The following AGXT2 variants were observed in gnomAD, a reference collection of about 807,000 sequenced individuals.
The protein encoded by AGXT2 is alanine--glyoxylate aminotransferase 2.
In AGXT2, 61 loss-of-function variants were observed where a neutral mutation model predicts 62.5. The observed-to-expected ratio is 0.98, with a 90% confidence interval of 0.79 to 1.21. AGXT2 has a LOEUF of 1.21. Ranked by LOEUF, AGXT2 falls within the 50% of genes most tolerant of loss-of-function variation. The probability of loss-of-function intolerance (pLI) is 0.00; values close to 1 mark genes in which losing one functional copy is unlikely to be tolerated. For missense variants in AGXT2, 666 were observed against 641.5 expected (o/e 1.04, Z -0.41); for synonymous variants, 243 against 218.7 (o/e 1.11, Z -0.98).
chr5:35,033,774 GAACA>G (rs1767666952), intron 5 of AGXT2, among the ~76,000 whole-genome samples: 1 of 152,134 alleles, frequency 6.6e-6, no homozygotes, highest in Non-Finnish European at 1.5e-5. Context: ...GAATTTTGGA[GAACA>G]TTTGTCCAAG....
rs538741055 is a variant in AGXT2, at chr5:35,024,205, A to G, written c.963+1558T>C. Among the ~76,000 whole-genome samples the G allele has an allele frequency of 1.6e-4, 24 of 152,104 alleles. No individual in the cohort carries two copies. The East Asian group carries it at 3.3e-3, about 21-fold the overall frequency. Reference sequence around the variant, plus strand: ...ACTGCGCCCAACCTAGCTGTAGGAAATTTTTAGTTGAGGAAGTCTATTCCA... The same window carrying G: ...ACTGCGCCCAACCTAGCTGTAGGAAGTTTTTAGTTGAGGAAGTCTATTCCA... On this transcript the variant is annotated intron_variant, in intron 9 of 13. Transcript: ENST00000231420.
In AGXT2 at chr5:35,033,459, C is replaced by T; in HGVS notation, c.675+1G>A. 1.2e-6 allele frequency: 2 copies of T among 1,609,338 alleles called. No individual in the cohort carries two copies. Among genetic ancestry groups the T allele is most frequent in the East Asian group, 2.2e-5 (1 of 44,842 alleles). On this transcript the variant is annotated splice_donor_variant, in intron 6 of 13. Coordinates refer to ENST00000231420, the MANE Select transcript of AGXT2 (RefSeq NM_031900.4). LOFTEE classifies it high-confidence loss of function. ...AACAAGAGAAAAATCTCCAAACTCA[C>T]TGGTTGGCAACCTGTCCCACCAGGG...
intron 1 of AGXT2, 63 bp from the exon 2 acceptor site, chr5:35,040,726 C>T: frequency 1.6e-6 from 2 of 1,254,588 alleles, no homozygotes; most frequent in Admixed American, 1.7e-5. Flanking sequence ...GTGAAAGTCA[C>T]CTATAGTTAT....
At chr5:35,005,328 A>T (rs1237888311) in intron 12 of AGXT2, among the ~76,000 whole-genome samples, 1 of 152,164 alleles carries the variant, frequency 6.6e-6, no homozygotes, top group Non-Finnish European at 1.5e-5. Flanking sequence ...TCCTGGGCTC[A>T]AGTGATTCGC....
At chr5:35,012,456 A>T (rs1349113779) in intron 11 of AGXT2, 2 of 156,008 alleles carry the variant, frequency 1.3e-5, no homozygotes, top group Admixed American at 6.2e-5. Context: ...CAAGAACATT[A>T]AAAAAAATCT....
At position 35,009,994 on chromosome 5, in the gene AGXT2, A is replaced by C. The variant is rs1580574164; in HGVS notation, c.1338+6T>G. On this transcript the variant is annotated splice_donor_region_variant and intron_variant, in intron 12 of 13. Transcript: ENST00000231420. ...AGCTGAGAGAGAGGGGCAGATTAGC[A>C]CCTACCTTATCCTGCACCATTTCTA... is the stretch of plus-strand genomic sequence containing the variant. 1 of 1,614,186 alleles carries C rather than the reference A, an allele frequency of 6.2e-7. No homozygotes were observed. The highest frequency in any genetic ancestry group is 8.5e-7 in the Non-Finnish European group (1 of 1,180,038).
Position 35,013,599 on chromosome 5 carries a change from T to C in AGXT2, c.1096+388A>G, listed in dbSNP as rs112830900. Among the ~76,000 whole-genome samples the C allele has an allele frequency of 4.8e-3, 729 of 152,264 alleles. 5 individuals carry two copies. The highest frequency in any genetic ancestry group is 0.017 in the African/African-American group (699 of 41,552). On this transcript the variant is annotated intron_variant, in intron 10 of 13. Transcript: ENST00000231420. ...GAGTTTGAGACCAGCCTGGCCAACA[T>C]GGTGAAACTCCGTTTCTACTAAAAA...
intron 1 of AGXT2, among the ~76,000 whole-genome samples, chr5:35,043,955 GTGT>G (rs1408970524): frequency 6.6e-6 from 1 of 152,170 alleles, no homozygotes; most frequent in East Asian, 1.9e-4. Context: ...GCCTCTGGAA[GTGT>G]TGTGATTACA....
In AGXT2 at chr5:34,998,337, A is replaced by C. The variant is rs1054816249; in HGVS notation, c.*382T>G. The C allele has an allele frequency of 1.4e-5, 4 of 294,012 alleles. No homozygotes were observed. The Admixed American group carries it at 2.0e-4, about 15-fold the overall frequency. The allele number at this position is 294,012 out of a possible 1,614,324, so 18.2% of individuals were successfully genotyped here. A position where few individuals can be genotyped will look rare whatever the true frequency, so the allele number is the denominator to read the frequency against. On this transcript the variant is annotated 3_prime_UTR_variant, in exon 14 of 14. Transcript: ENST00000231420. ...CAAGAAGACATCTCTTCTTGAACTG[A>C]AGAGTGAGGGTGAAGAAAACTTTCC... is the stretch of plus-strand genomic sequence containing the variant.
intron 9 of AGXT2, among the ~76,000 whole-genome samples, chr5:35,017,158 C>T (rs1766873253): frequency 6.6e-6 from 1 of 152,142 alleles, no homozygotes; most frequent in African/African-American, 2.4e-5. Context: ...TCCCTTTCTG[C>T]CATGATTTGC....
At chr5:35,044,076 C>T (rs963068300) in intron 1 of AGXT2, among the ~76,000 whole-genome samples, 7 of 152,168 alleles carry the variant, frequency 4.6e-5, no homozygotes, top group African/African-American at 1.7e-4. Flanking sequence ...TCATTTGATA[C>T]TTGGGATTGC....
intron 6 of AGXT2, chr5:35,033,114 G>C: frequency 2.0e-6 from 1 of 496,640 alleles, no homozygotes; most frequent in South Asian, 2.1e-5. Flanking sequence ...TTAGGTATCT[G>C]ATTCAGATGC....
At position 35,045,221 on chromosome 5, in the gene AGXT2, T is replaced by C. The variant is rs564798940; in HGVS notation, c.88+2584A>G. On this transcript the variant is annotated intron_variant, in intron 1 of 13. Transcript: ENST00000231420. ...AACAAAGCTGAACATTTTATGCATA[T>C]GAATATTGTACAGTAACTATGTAGA... is the stretch of plus-strand genomic sequence containing the variant. Among the ~76,000 whole-genome samples, 6 of 152,348 alleles carry C rather than the reference T, an allele frequency of 3.9e-5. No individual in the cohort carries two copies. In the East Asian group the frequency reaches 9.6e-4, roughly 24 times the overall value.
chr5:35,040,856 T>C (rs1240630993), intron 1 of AGXT2, among the ~76,000 whole-genome samples, 193 bp from the exon 2 acceptor site: 1 of 151,260 alleles, frequency 6.6e-6, no homozygotes, highest in Middle Eastern at 3.4e-3. Context: ...AAAAAATAGT[T>C]CTTCTCAAAT....
At chr5:35,007,173 T>C (rs1766457867) in intron 12 of AGXT2, among the ~76,000 whole-genome samples, 2 of 152,190 alleles carry the variant, frequency 1.3e-5, no homozygotes, top group Admixed American at 1.3e-4. Flanking sequence ...TTGCCTCATT[T>C]ACTAGGTGAG....
intron 9 of AGXT2, among the ~76,000 whole-genome samples, chr5:35,018,728 A>G (rs1359376896): frequency 1.2e-4 from 18 of 146,342 alleles, no homozygotes; most frequent in African/African-American, 4.6e-4. Context: ...TAACAATATT[A>G]ACTTTAAATG....
chr5:35,032,824 G>T lies in AGXT2; in HGVS notation c.677C>A (p.Thr226Lys), dbSNP rs758410550. The T allele has an allele frequency of 1.2e-6, 2 of 1,600,078 alleles. No individual in the cohort carries two copies. Among genetic ancestry groups the T allele is most frequent in the Non-Finnish European group, 8.5e-7 (1 of 1,172,230 alleles). ...ELPGGTGCQPTMCPDVFRGPW... is the reference protein window; with the variant it reads ...ELPGGTGCQPKMCPDVFRGPW... ...GCCACGAAAAACATCTGGACACATT[G>T]TCTGCAAATGACAAAAGAAGGAGTG... is the stretch of plus-strand genomic sequence containing the variant. Residue 226 changes from threonine (T) to lysine (K), a missense_variant and splice_region_variant, in exon 7 of 14, where the codon ACA becomes AAA. By Grantham distance (78) the Thr-to-Lys change is moderately conservative. Transcript: ENST00000231420.
chr5:35,028,145 A>T (rs1767429032), intron 7 of AGXT2, among the ~76,000 whole-genome samples: 1 of 151,952 alleles, frequency 6.6e-6, no homozygotes, highest in Non-Finnish European at 1.5e-5. Flanking sequence ...AAATTCTCTC[A>T]GGGTCAAAGG....
At chr5:35,046,913 A>G (rs1351419907) in intron 1 of AGXT2, among the ~76,000 whole-genome samples, 1 of 152,198 alleles carries the variant, frequency 6.6e-6, no homozygotes, top group East Asian at 1.9e-4. Flanking sequence ...TGTGAAAATC[A>G]CAAGCATATA....
Sources: allele counts gnomAD v4.1 joint callset (sites outside exome capture counted in the v4.1 genomes callset), GRCh38; gene constraint gnomAD v4.1.1; transcripts MANE v1.5; gene names NCBI Gene and HGNC (gene_info 2026-07-23, HGNC 2026-07-21).